ANKRD13C: variants seen among roughly 807,000 people sequenced by gnomAD.
ANKRD13C encodes ankyrin repeat domain-containing protein 13C.
ANKRD13C carries 16 observed loss-of-function variants against 65.5 expected under a neutral mutation model. That is an observed-to-expected ratio of 0.24 (90% CI 0.17 to 0.37). The LOEUF is 0.37. Among genes scored for constraint, ANKRD13C ranks in the 10% least tolerant of loss-of-function variants. The pLI, the probability that ANKRD13C is intolerant of heterozygous loss-of-function variation, is 1.00. For missense variants in ANKRD13C, 503 were observed against 655.9 expected (o/e 0.77, Z 2.55); for synonymous variants, 235 against 238.7 (o/e 0.98, Z 0.14).
At chr1:70,335,624 A>G (rs1358251280) in intron 2 of ANKRD13C, among the ~76,000 whole-genome samples, 2 of 151,072 alleles carry the variant, frequency 1.3e-5, no homozygotes, top group Non-Finnish European at 2.9e-5. Context: ...GACTACTTTA[A>G]TAAATACTTA....
At chr1:70,276,871 TG>T in intron 9 of ANKRD13C, 27 bp from the exon 10 acceptor site, 1 of 1,517,468 alleles carries the variant, frequency 6.6e-7, no homozygotes, top group Non-Finnish European at 8.9e-7. Context: ...AGAAAGAAAG[TG>T]GGGTGGGGGA....
At chr1:70,296,468 CTAAT>C (rs1680085813) in intron 7 of ANKRD13C, among the ~76,000 whole-genome samples, 1 of 152,040 alleles carries the variant, frequency 6.6e-6, no homozygotes, top group Non-Finnish European at 1.5e-5. Context: ...AGCATTATGA[CTAAT>C]TATGAATCTA....
chr1:70,324,301 T>C (rs958833072), intron 3 of ANKRD13C, among the ~76,000 whole-genome samples: 2 of 152,208 alleles, frequency 1.3e-5, no homozygotes, highest in Non-Finnish European at 2.9e-5. Context: ...AAGATCTGTA[T>C]GTGAAGTTGA....
At chr1:70,279,495 A>G (rs1349797523) in intron 9 of ANKRD13C, among the ~76,000 whole-genome samples, 12 of 136,896 alleles carry the variant, frequency 8.8e-5, no homozygotes, top group Admixed American at 2.2e-4. Flanking sequence ...CACTATTTTG[A>G]GCTACTTTTT....
At chr1:70,331,790 C>T (rs1157007504) in intron 2 of ANKRD13C, among the ~76,000 whole-genome samples, 7 of 139,528 alleles carry the variant, frequency 5.0e-5, no homozygotes, top group Non-Finnish European at 9.1e-5. Flanking sequence ...CCACTGCACT[C>T]CAGCCTAGGC....
At chr1:70,342,519 A>G (rs750102003) in intron 1 of ANKRD13C, among the ~76,000 whole-genome samples, 55 of 152,174 alleles carry the variant, frequency 3.6e-4, no homozygotes, top group Admixed American at 1.2e-3. Context: ...CCTGGGTGAC[A>G]GAGCGAGACT....
At chr1:70,340,452 G>A (rs544999535) in intron 1 of ANKRD13C, among the ~76,000 whole-genome samples, 1 of 152,250 alleles carries the variant, frequency 6.6e-6, no homozygotes, top group East Asian at 1.9e-4. Flanking sequence ...CTTTATGGTT[G>A]AGTCTGACCA....
Position 70,261,611 on chromosome 1 carries a change from G to C in ANKRD13C, c.*1106C>G, listed in dbSNP as rs943342441. 2.6e-5 allele frequency: 4 copies of C among 152,154 alleles called. No individual in the cohort carries two copies. The highest frequency in any genetic ancestry group is 4.4e-5 in the Non-Finnish European group (3 of 67,892). The allele number at this position is 152,154 out of a possible 1,614,324, so 9.4% of individuals were successfully genotyped here. ...GAGACAATGAAATCAATATTTTCCT[G>C]TGATTTAAAAAAAATAATAGGAGTA... On this transcript the variant is annotated 3_prime_UTR_variant, in exon 13 of 13. Transcript: ENST00000370944.
At chr1:70,308,390 A>T (rs906373405) in intron 5 of ANKRD13C, among the ~76,000 whole-genome samples, 2 of 152,094 alleles carry the variant, frequency 1.3e-5, no homozygotes, top group East Asian at 3.8e-4. Flanking sequence ...AAAGGAGGAA[A>T]ATGGTAAGGC....
At chr1:70,345,157 C>T (rs933453606) in intron 1 of ANKRD13C, among the ~76,000 whole-genome samples, 9 of 151,948 alleles carry the variant, frequency 5.9e-5, no homozygotes, top group African/African-American at 1.7e-4. Flanking sequence ...CAGCTGGGCG[C>T]GGTGGCTCAC....
intron 1 of ANKRD13C, among the ~76,000 whole-genome samples, chr1:70,340,841 G>A (rs1038742154): frequency 5.3e-5 from 8 of 152,104 alleles, no homozygotes; most frequent in South Asian, 2.1e-4. Context: ...GGGCGGGCAC[G>A]GTGGCTCATG....
chr1:70,327,551 T>TA (rs1294811624), intron 2 of ANKRD13C, among the ~76,000 whole-genome samples: 5 of 152,282 alleles, frequency 3.3e-5, no homozygotes, highest in Non-Finnish European at 5.9e-5. Flanking sequence ...TGTTTCAGTA[T>TA]AAAAAACCTA....
At chr1:70,319,751 AG>A (rs1681228858) in intron 3 of ANKRD13C, among the ~76,000 whole-genome samples, 1 of 151,904 alleles carries the variant, frequency 6.6e-6, no homozygotes, top group Non-Finnish European at 1.5e-5. Flanking sequence ...CCTTTGAGAC[AG>A]CTTTAATAAC....
chr1:70,296,664 A>G (rs1212597781), intron 7 of ANKRD13C, among the ~76,000 whole-genome samples: 1 of 152,216 alleles, frequency 6.6e-6, no homozygotes, highest in African/African-American at 2.4e-5. Flanking sequence ...CTTTCAATAC[A>G]GATTAATCTT....
chr1:70,340,524 T>C (rs1250279900), intron 1 of ANKRD13C, among the ~76,000 whole-genome samples: 1 of 152,148 alleles, frequency 6.6e-6, no homozygotes, highest in African/African-American at 2.4e-5. Context: ...AGTTGTTGGG[T>C]TCAGCATTTC....
At chr1:70,353,897 G>C in intron 1 of ANKRD13C, 82 bp downstream of exon 1, 1 of 1,423,858 alleles carries the variant, frequency 7.0e-7, no homozygotes, top group South Asian at 1.7e-5. Flanking sequence ...CTGCTGGAGG[G>C]GGCCTAGGAT....
chr1:70,323,029 A>T (rs1681377406), intron 3 of ANKRD13C, among the ~76,000 whole-genome samples: 1 of 152,104 alleles, frequency 6.6e-6, no homozygotes. Context: ...CACAAAAGTC[A>T]CACTAGACAG....
chr1:70,329,752 T>C (rs1681700190), intron 2 of ANKRD13C, among the ~76,000 whole-genome samples: 1 of 151,390 alleles, frequency 6.6e-6, no homozygotes, highest in Admixed American at 6.6e-5. Context: ...AATCAGATAA[T>C]CATAGATATG....
At chr1:70,262,882 T>G in intron 12 of ANKRD13C, 35 bp from the exon 13 acceptor site, 1 of 1,569,790 alleles carries the variant, frequency 6.4e-7, no homozygotes, top group African/African-American at 1.4e-5. Flanking sequence ...CATTGTAAAA[T>G]CAAATGTTAA....
Sources: allele counts gnomAD v4.1 joint callset (sites outside exome capture counted in the v4.1 genomes callset), GRCh38; gene constraint gnomAD v4.1.1; transcripts MANE v1.5; gene names NCBI Gene and HGNC (gene_info 2026-07-23, HGNC 2026-07-21).